The following HYAL1 variants were observed in gnomAD, a reference collection of about 807,000 sequenced individuals.
HYAL1 encodes the protein hyaluronidase 1.
A neutral mutation model predicts 28.8 loss-of-function variants in HYAL1; 21 were observed. The ratio of observed to expected loss-of-function variants is 0.73; its 90% CI spans 0.52 to 1.05. HYAL1 has a LOEUF of 1.05. Among genes scored for constraint, HYAL1 ranks in the 50% least tolerant of loss-of-function variants. HYAL1 has a pLI of 0.00. For missense variants in HYAL1, 491 were observed against 579.2 expected, an observed-to-expected ratio of 0.85 and a Z score of 1.56; for synonymous variants, 200 against 230.1, an observed-to-expected ratio of 0.87 and a Z score of 1.18.
chr3:50,312,066 G>A (rs1229920623), intron 1 of HYAL1, among the ~76,000 whole-genome samples: 1 of 129,894 alleles, frequency 7.7e-6, no homozygotes, highest in Admixed American at 7.5e-5. Context: ...GCCGGGCGGG[G>A]GGCTGACCCC....
Position 50,300,864 on chromosome 3 carries a change from T to G in HYAL1, c.991-64A>C, listed in dbSNP as rs1449589713. 2.6e-6 allele frequency: 4 copies of G among 1,566,290 alleles called. No individual in the cohort carries two copies. In the African/African-American group the frequency reaches 5.4e-5, roughly 21 times the overall value. On this transcript the variant is annotated intron_variant, in intron 3 of 3. Coordinates refer to ENST00000395144, the MANE Select transcript of HYAL1 (RefSeq NM_033159.4). ...CCATGTATGGACCCACCCAGGGCACTGAGGCACTCACCTGCTGGTCAGCCA... is the reference window on the plus strand; with the variant it reads ...CCATGTATGGACCCACCCAGGGCACGGAGGCACTCACCTGCTGGTCAGCCA...
At chr3:50,300,939 T>TGGGGGGGGGGGGGGGGGGGGG in intron 3 of HYAL1, 49 bp downstream of exon 3, 15 of 959,346 alleles carry the variant, frequency 1.6e-5, no homozygotes, top group Non-Finnish European at 2.0e-5. Context: ...GTCAGCTTAA[T>TGGGGGGGGGGGGGGGGGGGGG]GGCCCCACCC....
upstream of HYAL1, chr3:50,304,004 C>T (rs970085814): frequency 6.6e-6 from 1 of 152,058 alleles, no homozygotes. Context: ...TGCGGAGGCT[C>T]ACGCCTATAA....
At chr3:50,311,907 C>T (rs1436760427) in intron 1 of HYAL1, among the ~76,000 whole-genome samples, 36 of 137,038 alleles carry the variant, frequency 2.6e-4, no homozygotes, top group Non-Finnish European at 5.2e-4. Flanking sequence ...GATCCCCCCT[C>T]CCCTCACGGA....
At chr3:50,311,758 G>T (rs1419337308) in intron 1 of HYAL1, among the ~76,000 whole-genome samples, 1 of 142,374 alleles carries the variant, frequency 7.0e-6, no homozygotes, top group African/African-American at 2.7e-5. Context: ...GCGGCTGGCT[G>T]GGCAGAGGGG....
chr3:50,300,968 C>T lies in HYAL1; in HGVS notation c.990+20G>A. ...CCCACCCCTCCCCCACCCCCACCCT[C>T]ATGCCAGGCCTAAGCTCACCTTGGT... On this transcript the variant is annotated intron_variant, in intron 3 of 3. Coordinates refer to ENST00000395144, the MANE Select transcript of HYAL1 (RefSeq NM_033159.4). The T allele has an allele frequency of 1.6e-6, 1 of 643,250 alleles. No homozygotes were observed. The highest frequency in any genetic ancestry group is 2.0e-5 in the Admixed American group (1 of 49,498). The allele number at this position is 643,250 out of a possible 1,614,324, so 39.8% of individuals were successfully genotyped here.
At chr3:50,309,834 G>GT (rs1553714524) in intron 1 of HYAL1, 1 of 151,388 alleles carries the variant, frequency 6.6e-6, no homozygotes, top group Admixed American at 6.6e-5. Flanking sequence ...CCAGGTTTAT[G>GT]TTTATCTTGG....
chr3:50,307,477 A>G (rs1371522039), upstream of HYAL1, among the ~76,000 whole-genome samples: 4 of 150,728 alleles, frequency 2.7e-5, no homozygotes, highest in African/African-American at 7.5e-5. Context: ...TCAGGAGATC[A>G]AGACCATCCT....
chr3:50,305,302 G>A (rs1702313992), upstream of HYAL1, among the ~76,000 whole-genome samples: 1 of 152,092 alleles, frequency 6.6e-6, no homozygotes, highest in African/African-American at 2.4e-5. Context: ...GGAGTGCAGT[G>A]GTGCGATCTC....
rs1341156624 is a variant in HYAL1 at position 50,300,427 on chromosome 3, T to C, written c.*56A>G. ...ACTGTGCATGTATTTGAGGAAGCCC[T>C]GGCCAGACCCAGAGTGCATTAGGTT... On this transcript the variant is annotated 3_prime_UTR_variant, in exon 4 of 4. Transcript: ENST00000395144. The C allele has an allele frequency of 2.5e-6, 4 of 1,577,568 alleles. No individual in the cohort carries two copies. Among genetic ancestry groups the C allele is most frequent in the African/African-American group, 1.3e-5 (1 of 74,132 alleles).
At chr3:50,305,159 G>A (rs587669546), upstream of HYAL1, among the ~76,000 whole-genome samples, 1 of 152,310 alleles carries the variant, frequency 6.6e-6, no homozygotes, top group Admixed American at 6.5e-5. Flanking sequence ...TCTGTCACCT[G>A]CCTGTGACCT....
rs2109307739 is a variant in HYAL1, at chr3:50,302,432, G to GAACT, written c.521_524dup (p.Phe175LeufsTer33). 6.2e-7 allele frequency: 1 copy of GAACT among 1,613,962 alleles called. No homozygotes were observed. Among genetic ancestry groups the GAACT allele is most frequent in the Non-Finnish European group, 8.5e-7 (1 of 1,179,928 alleles). On this transcript the variant is annotated frameshift_variant, in exon 2 of 4. Coordinates refer to ENST00000395144, the MANE Select transcript of HYAL1 (RefSeq NM_033159.4). LOFTEE classifies it high-confidence loss of function. This position sits in a 1 kb window ranked among gnomAD's most constrained non-coding sequence, Gnocchi z 5.0. ...CCATCCAGGCCCGTGCAGCTCCCTGGAACTGGTCCTGGGCTACTGCCTCCA... is the reference window on the plus strand; with the variant it reads ...CCATCCAGGCCCGTGCAGCTCCCTGGAACTAACTGGTCCTGGGCTACTGCCTCCA...
chr3:50,304,584 ATTC>A (rs1435447942), upstream of HYAL1, among the ~76,000 whole-genome samples: 1 of 151,468 alleles, frequency 6.6e-6, no homozygotes, highest in African/African-American at 2.4e-5. Flanking sequence ...TTACATTTAT[ATTC>A]TTCTTCTGAT....
chr3:50,302,940 A>G lies in HYAL1; in HGVS notation c.17T>C (p.Leu6Pro). 1 of 1,572,548 alleles carries G rather than the reference A, an allele frequency of 6.4e-7. No homozygotes were observed. Among genetic ancestry groups the G allele is most frequent in the South Asian group, 1.2e-5 (1 of 85,188 alleles). Reference protein sequence around the residue: MAAHLLPICALFLTLL... With the variant: MAAHLPPICALFLTLL... ...GGTCAGGAAGAGGGCGCAGATGGGA[A>G]GCAGGTGGGCTGCCATGGCACGGGA... The change falls in exon 2 of 4, where the codon CTT becomes CCT. Residue 6 changes from leucine to proline, a missense_variant. By Grantham distance (98) the Leu-to-Pro change is moderately conservative. Transcript: ENST00000395144. This position sits in a 1 kb window ranked among gnomAD's most constrained non-coding sequence, Gnocchi z 5.0.
chr3:50,300,595 C>CCTG lies in HYAL1; in HGVS notation c.1195_1196insCAG (p.Ser399delinsThrGly). ...TTCAAGTGAGAGGGCACCCCGCAGG[C>CCTG]TCAGGGGCCCACCACCAGGCGTGAG... On this transcript the variant is annotated protein_altering_variant, in exon 4 of 4. Coordinates refer to ENST00000395144, the MANE Select transcript of HYAL1 (RefSeq NM_033159.4). 1 of 1,614,210 alleles carries CCTG rather than the reference C, an allele frequency of 6.2e-7. No homozygotes were observed. Among genetic ancestry groups the CCTG allele is most frequent in the Non-Finnish European group, 8.5e-7 (1 of 1,180,038 alleles).
intron 3 of HYAL1, 55 bp from the exon 4 acceptor site, chr3:50,300,855 C>G: frequency 6.3e-7 from 1 of 1,579,878 alleles, no homozygotes; most frequent in South Asian, 1.1e-5. Flanking sequence ...ATGGACCCAC[C>G]CAGGGCACTG....
At chr3:50,306,885 T>TCAACAACAACAA (rs587607761), upstream of HYAL1, among the ~76,000 whole-genome samples, 94 of 148,424 alleles carry the variant, frequency 6.3e-4, 3 homozygotes, top group African/African-American at 1.8e-3. Context: ...AGACTCCATC[T>TCAACAACAACAA]CAACAACAAC....
At chr3:50,311,618 G>A (rs1553714834) in intron 1 of HYAL1, among the ~76,000 whole-genome samples, 1 of 139,030 alleles carries the variant, frequency 7.2e-6, no homozygotes, top group African/African-American at 2.7e-5. Context: ...GCCGGGCGGG[G>A]GGCTGACCCC....
chr3:50,309,164 G>T (rs1702397585), intron 2 of HYAL1, among the ~76,000 whole-genome samples: 1 of 151,110 alleles, frequency 6.6e-6, no homozygotes. Flanking sequence ...TTGCATAAGT[G>T]CCATAAGAAT....
Sources: gnomAD v4.1 joint callset for allele counts (sites outside exome capture counted in the v4.1 genomes callset) on GRCh38, gnomAD v4.1.1 for gene constraint, Gnocchi (gnomAD v3.1) non-coding constraint, MANE v1.5 for transcripts, NCBI Gene and HGNC (gene_info 2026-07-23, HGNC 2026-07-21) for gene names.